ZBTB7C: variants seen among roughly 807,000 people sequenced by gnomAD.
ZBTB7C encodes zinc finger and BTB domain-containing protein 7C.
A neutral mutation model predicts 25.7 loss-of-function variants in ZBTB7C; 8 were observed. The ratio of observed to expected loss-of-function variants is 0.31; its 90% CI spans 0.18 to 0.56. The LOEUF (loss-of-function observed/expected upper bound fraction) is 0.56, where lower values mean the gene tolerates loss of function less well. ZBTB7C is among the 20% of genes least tolerant of loss of function. The pLI is 0.91. For missense variants in ZBTB7C, 824 were observed against 855.2 expected, an observed-to-expected ratio of 0.96 and a Z score of 0.46; for synonymous variants, 394 against 369.0, an observed-to-expected ratio of 1.07 and a Z score of -0.78.
At chr18:48,220,781 TATC>T (rs1247984403) in intron 2 of ZBTB7C, among the ~76,000 whole-genome samples, 2 of 151,976 alleles carry the variant, frequency 1.3e-5, no homozygotes, top group African/African-American at 4.8e-5. Context: ...AGGAAGCAAA[TATC>T]ATAAACTCCA....
At chr18:48,145,963 G>A (rs2040486016) in intron 3 of ZBTB7C, among the ~76,000 whole-genome samples, 1 of 152,098 alleles carries the variant, frequency 6.6e-6, no homozygotes, top group Admixed American at 6.5e-5. Context: ...TAATATTGCT[G>A]GTTTAATAAA....
At chr18:48,128,288 A>G (rs2039872612) in intron 3 of ZBTB7C, among the ~76,000 whole-genome samples, 1 of 152,244 alleles carries the variant, frequency 6.6e-6, no homozygotes, top group Non-Finnish European at 1.5e-5. Context: ...ACAAGTGGCT[A>G]GAAATGTGGC....
chr18:48,384,215 A>G (rs2047695519), intron 1 of ZBTB7C, among the ~76,000 whole-genome samples: 1 of 152,178 alleles, frequency 6.6e-6, no homozygotes, highest in Non-Finnish European at 1.5e-5. Flanking sequence ...TCCCAGGACA[A>G]GCCCCACCCA....
chr18:48,170,653 G>A (rs2041442626), intron 3 of ZBTB7C, among the ~76,000 whole-genome samples: 1 of 152,218 alleles, frequency 6.6e-6, no homozygotes, highest in South Asian at 2.1e-4. Flanking sequence ...GAGAAAAAGA[G>A]CCATTGACAC....
intron 1 of ZBTB7C, among the ~76,000 whole-genome samples, chr18:48,407,761 G>T (rs1222319627): frequency 6.6e-6 from 1 of 152,186 alleles, no homozygotes; most frequent in Non-Finnish European, 1.5e-5. Context: ...TCATGTACTT[G>T]TGGGGGCAGG....
chr18:48,064,317 C>T (rs899592434), intron 3 of ZBTB7C, among the ~76,000 whole-genome samples: 1 of 152,240 alleles, frequency 6.6e-6, no homozygotes, highest in African/African-American at 2.4e-5. Context: ...CAAGTTATTT[C>T]AGGATTTCTG....
rs2035647007 is a variant in ZBTB7C, at chr18:48,029,590, C to A, written c.1530G>T (p.Ala510=). 6.7e-7 allele frequency: 1 copy of A among 1,496,278 alleles called. No homozygotes were observed. The highest frequency in any genetic ancestry group is 8.8e-7 in the Non-Finnish European group (1 of 1,134,614). 92.7% of individuals were successfully genotyped at this position (1,496,278 alleles called of 1,614,324 possible). The change falls in exon 5 of 5, where the codon GCG becomes GCT. Residue 510 remains alanine, a synonymous_variant. Transcript: ENST00000590800. ...PDKAAFVMPP[A]LGEVGGHLGG... is the part of the protein sequence containing the mutation. ...CCAGGTGGCCGCCCACCTCGCCCAGCGCAGGGGGCATCACGAAGGCCGCCT... is the reference window on the plus strand; with the variant it reads ...CCAGGTGGCCGCCCACCTCGCCCAGAGCAGGGGGCATCACGAAGGCCGCCT...
chr18:48,194,343 C>A (rs35682897), intron 2 of ZBTB7C, among the ~76,000 whole-genome samples: 3,759 of 152,326 alleles, frequency 0.025, 89 homozygotes, highest in Non-Finnish European at 0.035. Context: ...ATTGCAGGAG[C>A]ATCCATGGTG....
At chr18:48,151,476 CAA>C (rs143631626) in intron 3 of ZBTB7C, among the ~76,000 whole-genome samples, 6,017 of 152,192 alleles carry the variant, frequency 0.04, 131 homozygotes, top group Middle Eastern at 0.085. Flanking sequence ...CTGCACTGTT[CAA>C]AAGAGTCCGT....
chr18:48,081,197 C>T (rs2037967487), intron 3 of ZBTB7C, among the ~76,000 whole-genome samples: 1 of 152,218 alleles, frequency 6.6e-6, no homozygotes, highest in East Asian at 1.9e-4. Flanking sequence ...ATCTCTCAGT[C>T]TCCAGACAGT....
At chr18:48,270,333 C>T (rs978471463) in intron 2 of ZBTB7C, among the ~76,000 whole-genome samples, 10 of 144,826 alleles carry the variant, frequency 6.9e-5, no homozygotes, top group African/African-American at 2.5e-4. Context: ...TCTCAGCTCA[C>T]TGCAACCTCT....
In ZBTB7C at chr18:48,235,711, T is replaced by A. The variant is rs185166954; in HGVS notation, c.-78-49716A>T. ...ATTTTTTTTATTATTTATAAACACATAAAATCCTCATTTGATACATTACCC... is the reference window on the plus strand; with the variant it reads ...ATTTTTTTTATTATTTATAAACACAAAAAATCCTCATTTGATACATTACCC... On this transcript the variant is annotated intron_variant, in intron 2 of 4. Transcript: ENST00000590800. Among the ~76,000 whole-genome samples, 405 of 152,270 alleles carry A rather than the reference T, an allele frequency of 2.7e-3. 1 individual carries two copies. Among genetic ancestry groups the A allele is most frequent in the African/African-American group, 9.5e-3 (395 of 41,554 alleles).
chr18:48,254,123 A>T (rs1389442322), intron 2 of ZBTB7C, among the ~76,000 whole-genome samples: 1 of 152,206 alleles, frequency 6.6e-6, no homozygotes, highest in African/African-American at 2.4e-5. Flanking sequence ...GTTGTTGGTA[A>T]GGTTTTCCTT....
intron 2 of ZBTB7C, among the ~76,000 whole-genome samples, chr18:48,215,063 C>T (rs894132739): frequency 4.6e-5 from 7 of 152,270 alleles, no homozygotes; most frequent in Admixed American, 1.3e-4. Context: ...GTGGGTGAAA[C>T]ATAAAATGAT....
At chr18:48,159,480 T>C (rs568269942) in intron 3 of ZBTB7C, among the ~76,000 whole-genome samples, 1 of 152,182 alleles carries the variant, frequency 6.6e-6, no homozygotes, top group Non-Finnish European at 1.5e-5. Context: ...AAATTCATCA[T>C]CACAAGAAAG....
chr18:48,260,467 AT>A (rs1189706465), intron 2 of ZBTB7C, among the ~76,000 whole-genome samples: 1 of 152,124 alleles, frequency 6.6e-6, no homozygotes, highest in African/African-American at 2.4e-5. Flanking sequence ...AACTTACCAA[AT>A]TGTCCACTTT....
At chr18:48,411,399 T>C (rs549483563), upstream of ZBTB7C, among the ~76,000 whole-genome samples, 56 of 152,352 alleles carry the variant, frequency 3.7e-4, 1 homozygote, top group South Asian at 0.011. Context: ...GCTTCCAGAA[T>C]GGCAAAATAA....
chr18:48,265,011 A>G (rs949363541), intron 2 of ZBTB7C, among the ~76,000 whole-genome samples: 1 of 152,144 alleles, frequency 6.6e-6, no homozygotes, highest in Non-Finnish European at 1.5e-5. Flanking sequence ...ATGGGTGGAG[A>G]TGGGGTAGGA....
At chr18:48,293,954 A>C (rs1200904958) in intron 2 of ZBTB7C, among the ~76,000 whole-genome samples, 2 of 152,206 alleles carry the variant, frequency 1.3e-5, no homozygotes, top group African/African-American at 4.8e-5. Context: ...TAGAACAATG[A>C]AATGAACAAG....
Sources: gnomAD v4.1 joint callset for allele counts (sites outside exome capture counted in the v4.1 genomes callset) on GRCh38, gnomAD v4.1.1 for gene constraint, MANE v1.5 for transcripts, NCBI Gene and HGNC (gene_info 2026-07-23, HGNC 2026-07-21) for gene names.